Variants in AIM2 observed in about 807,000 individuals in gnomAD.
The protein encoded by AIM2 is absent in melanoma 2.
AIM2 carries 30 observed loss-of-function variants against 27.7 expected under a neutral mutation model. The ratio of observed to expected loss-of-function variants is 1.08; its 90% CI spans 0.81 to 1.47. AIM2 has a LOEUF of 1.47. Among genes scored for constraint, AIM2 ranks in the 40% most tolerant of loss-of-function variants. The pLI is 0.00. For missense variants in AIM2, 358 were observed against 411.3 expected, an observed-to-expected ratio of 0.87 and a Z score of 1.12; for synonymous variants, 141 against 145.3, an observed-to-expected ratio of 0.97 and a Z score of 0.21.
chr1:159,083,732 T>C (rs542702059), intron 1 of AIM2, among the ~76,000 whole-genome samples: 1 of 152,308 alleles, frequency 6.6e-6, no homozygotes, highest in South Asian at 2.1e-4. Context: ...TGATAAAATA[T>C]AATAATATTT....
At chr1:159,134,629 C>G (rs140495048) in intron 1 of AIM2, among the ~76,000 whole-genome samples, 2 of 152,258 alleles carry the variant, frequency 1.3e-5, no homozygotes, top group Non-Finnish European at 2.9e-5. Flanking sequence ...GTCAGGAGTT[C>G]AAGACCAGCC....
chr1:159,111,521 C>T (rs368906170), intron 1 of AIM2, among the ~76,000 whole-genome samples: 149 of 152,282 alleles, frequency 9.8e-4, no homozygotes, highest in African/African-American at 3.3e-3. Context: ...AAAAAAACTA[C>T]ATCCGGAAGC....
intron 2 of AIM2, among the ~76,000 whole-genome samples, chr1:159,070,166 A>C (rs2101978923): frequency 8.7e-6 from 1 of 114,796 alleles, no homozygotes; most frequent in East Asian, 2.9e-4. Context: ...CCATCAGAAC[A>C]TTTGTCTCAG....
At chr1:159,087,485 C>T (rs745321658) in intron 1 of AIM2, among the ~76,000 whole-genome samples, 2 of 151,826 alleles carry the variant, frequency 1.3e-5, no homozygotes, top group Non-Finnish European at 2.9e-5. Flanking sequence ...TTATATTAAT[C>T]AATTATTAAT....
At chr1:159,071,011 C>T (rs1272490464) in intron 2 of AIM2, among the ~76,000 whole-genome samples, 1 of 152,212 alleles carries the variant, frequency 6.6e-6, no homozygotes, top group Non-Finnish European at 1.5e-5. Flanking sequence ...TCTCATTTGC[C>T]TTAATAATCA....
intron 1 of AIM2, among the ~76,000 whole-genome samples, chr1:159,115,471 G>A (rs980712921): frequency 2.6e-5 from 4 of 152,170 alleles, no homozygotes; most frequent in African/African-American, 9.6e-5. Context: ...GCATGGTACT[G>A]GTACAAAAAC....
intron 1 of AIM2, among the ~76,000 whole-genome samples, chr1:159,098,860 T>C (rs1347541973): frequency 1.3e-5 from 2 of 152,120 alleles, no homozygotes; most frequent in Non-Finnish European, 2.9e-5. Flanking sequence ...ACAAACACAC[T>C]CCTGAGATAG....
At chr1:159,089,065 C>A (rs1656988226) in intron 1 of AIM2, among the ~76,000 whole-genome samples, 1 of 152,158 alleles carries the variant, frequency 6.6e-6, no homozygotes, top group Non-Finnish European at 1.5e-5. Context: ...ATACTTTATT[C>A]AAAGAAAACA....
chr1:159,095,720 G>A (rs1449076018), intron 1 of AIM2, among the ~76,000 whole-genome samples: 1 of 152,192 alleles, frequency 6.6e-6, no homozygotes, highest in East Asian at 1.9e-4. Flanking sequence ...TTGGAAATCT[G>A]TAGTGGTTAG....
chr1:159,136,370 C>G (rs939924751), intron 1 of AIM2, among the ~76,000 whole-genome samples: 2 of 152,098 alleles, frequency 1.3e-5, no homozygotes, highest in African/African-American at 4.8e-5. Context: ...ACAGCTTACC[C>G]TATTTAATTC....
Position 159,071,235 on chromosome 1 carries a change from C to T in AIM2, c.262+2003G>A, listed in dbSNP as rs552544072. ...TAAAGATTCTCCAGGTATCTTCTAC[C>T]TTCCATGAGGTGAGGTCATGAGTAG... On this transcript the variant is annotated intron_variant, in intron 2 of 5. Transcript: ENST00000368130. Among the ~76,000 whole-genome samples the T allele has an allele frequency of 3.3e-5, 5 of 152,300 alleles. No homozygotes were observed. The South Asian group carries it at 8.3e-4, about 25-fold the overall frequency.
At position 159,102,313 on chromosome 1, in the gene AIM2, A is replaced by G. The variant is rs574184655; in HGVS notation, c.-15-35984T>C. ...TGCCTAGATTTCAGAGGATGTATGG[A>G]AATGTCTGCGTGTCTAGGCAGAGGT... On this transcript the variant is annotated intron_variant, in intron 1 of 2. Transcript: ENST00000368129. 5.9e-5 allele frequency among the ~76,000 whole-genome samples: 9 copies of G among 152,336 alleles called. No individual in the cohort carries two copies. The South Asian group carries it at 1.7e-3, about 28-fold the overall frequency.
chr1:159,106,940 C>G (rs1308639180), intron 1 of AIM2, among the ~76,000 whole-genome samples: 1 of 152,192 alleles, frequency 6.6e-6, no homozygotes, highest in Non-Finnish European at 1.5e-5. Context: ...GTACCAATGT[C>G]AATACCTTTT....
At chr1:159,140,609 C>T, upstream of AIM2, 1 of 152,380 alleles carries the variant, frequency 6.6e-6, no homozygotes, top group Non-Finnish European at 1.5e-5. Flanking sequence ...TTCCTGGGTT[C>T]ACCTGAGGTG....
At chr1:159,067,632 G>T (rs868605934) in intron 3 of AIM2, among the ~76,000 whole-genome samples, 1 of 152,136 alleles carries the variant, frequency 6.6e-6, no homozygotes, top group Non-Finnish European at 1.5e-5. Context: ...ACTGAAAAAT[G>T]CATATTTTCA....
chr1:159,110,438 T>C (rs1437599533), intron 1 of AIM2, among the ~76,000 whole-genome samples: 1 of 152,160 alleles, frequency 6.6e-6, no homozygotes, highest in East Asian at 1.9e-4. Flanking sequence ...AAAAATTCTT[T>C]TATATTAGAA....
At chr1:159,067,139 A>G (rs867541915) in intron 3 of AIM2, among the ~76,000 whole-genome samples, 8 of 152,236 alleles carry the variant, frequency 5.3e-5, no homozygotes, top group African/African-American at 1.9e-4. Flanking sequence ...CAATAAAGGG[A>G]AAGGTCCTAA....
At chr1:159,056,406 A>G in the AIM2 span, among the ~76,000 whole-genome samples, 1 of 152,016 alleles carries the variant, frequency 6.6e-6, no homozygotes, top group African/African-American at 2.4e-5. Context: ...AAATGCATCT[A>G]ACTGCCATTA....
At chr1:159,087,325 A>C (rs1463790228) in intron 1 of AIM2, among the ~76,000 whole-genome samples, 1 of 79,694 alleles carries the variant, frequency 1.3e-5, no homozygotes, top group East Asian at 3.4e-4. Flanking sequence ...TGAGGTTGTG[A>C]TAAAAAAAAA....
Sources: allele counts gnomAD v4.1 joint callset (sites outside exome capture counted in the v4.1 genomes callset), GRCh38; gene constraint gnomAD v4.1.1; transcripts MANE v1.5; gene names NCBI Gene and HGNC (gene_info 2026-07-23, HGNC 2026-07-21).